Variants in IPO7 observed in about 807,000 individuals in gnomAD.
The protein encoded by IPO7 is importin 7.
Under a neutral mutation model 136.4 loss-of-function variants are expected in IPO7, and 13 were observed. The observed-to-expected ratio is 0.10, with a 90% CI of 0.06 to 0.15. The LOEUF (loss-of-function observed/expected upper bound fraction) is 0.15. Ranked by LOEUF, IPO7 falls within the 10% of genes least tolerant of loss-of-function variation. IPO7 has a pLI of 1.00. For missense variants in IPO7, 857 were observed against 1,240.6 expected, an observed-to-expected ratio of 0.69 and a Z score of 4.65; for synonymous variants, 403 against 404.4, an observed-to-expected ratio of 1.00 and a Z score of 0.04.
chr11:9,394,112 C>T (rs550234826), intron 1 of IPO7, among the ~76,000 whole-genome samples: 2 of 151,116 alleles, frequency 1.3e-5, no homozygotes, highest in East Asian at 2.0e-4. Context: ...CTCTTGACTT[C>T]GTGATCCGCC....
chr11:9,425,346 C>G (rs1310748963), intron 12 of IPO7, 84 bp downstream of exon 12: 14 of 829,484 alleles, frequency 1.7e-5, no homozygotes, highest in Non-Finnish European at 2.5e-5. Context: ...TGGCTCACTT[C>G]TATAATCCCA....
chr11:9,392,709 G>A (rs369829766), intron 1 of IPO7, among the ~76,000 whole-genome samples: 9 of 152,140 alleles, frequency 5.9e-5, no homozygotes, highest in African/African-American at 9.6e-5. Flanking sequence ...AGCACTTTGG[G>A]AGGCCAAGGT....
chr11:9,440,695 T>C (rs765148547), intron 23 of IPO7, 34 bp downstream of exon 23: 5 of 1,457,772 alleles, frequency 3.4e-6, no homozygotes, highest in African/African-American at 1.4e-5. Flanking sequence ...ATCCATTTCA[T>C]TGAACAAATC....
chr11:9,404,205 C>T (rs1234581680), intron 2 of IPO7, among the ~76,000 whole-genome samples: 2 of 152,174 alleles, frequency 1.3e-5, no homozygotes, highest in Non-Finnish European at 2.9e-5. Context: ...GTGGCTCACG[C>T]CTGTAATCCC....
intron 24 of IPO7, among the ~76,000 whole-genome samples, chr11:9,443,917 A>G (rs1855492686): frequency 6.6e-6 from 1 of 151,664 alleles, no homozygotes; most frequent in Non-Finnish European, 1.5e-5. Flanking sequence ...GTAAAAACTT[A>G]CGAAGTTAAA....
Position 9,428,520 on chromosome 11 carries a change from A to T in IPO7, c.1336-20A>T, listed in dbSNP as rs1187382048. ...TTATATTTGGAACTGTATCAAAATA[A>T]CTGTTGTTTATATTTACAGAAAAAG... On this transcript the variant is annotated intron_variant, in intron 12 of 24. Coordinates refer to ENST00000379719, the MANE Select transcript of IPO7 (RefSeq NM_006391.3). The T allele has an allele frequency of 9.5e-7, 1 of 1,058,160 alleles. No homozygotes were observed. The highest frequency in any genetic ancestry group is 1.6e-5 in the African/African-American group (1 of 62,718). The allele number at this position is 1,058,160 out of a possible 1,614,324, so 65.5% of individuals were successfully genotyped here. A position where few individuals can be genotyped will look rare whatever the true frequency, so the allele number is the denominator to read the frequency against.
intron 11 of IPO7, 55 bp from the exon 12 acceptor site, chr11:9,425,091 G>A: frequency 7.5e-7 from 1 of 1,324,760 alleles, no homozygotes; most frequent in East Asian, 2.3e-5. Context: ...TTGTTAGTAT[G>A]TTTTTTAAGG....
chr11:9,439,676 A>G (rs994407649), intron 22 of IPO7, among the ~76,000 whole-genome samples: 1 of 151,580 alleles, frequency 6.6e-6, no homozygotes, highest in Non-Finnish European at 1.5e-5. Flanking sequence ...CCCGGGTTCA[A>G]GCGATTCTCC....
In IPO7 at chr11:9,437,865, C is replaced by G; in HGVS notation, c.2380C>G (p.Pro794Ala). Reference sequence around the variant, plus strand: ...TGCAATTGCAGCTTTGTATTATAATCCACACCTACTACTCAATACCTTAGA... The same window carrying G: ...TGCAATTGCAGCTTTGTATTATAATGCACACCTACTACTCAATACCTTAGA... The part of the protein sequence containing the change: ...QVAIAALYYN[P>A]HLLLNTLENL... The change falls in exon 21 of 25, where the codon CCA becomes GCA. Residue 794 changes from proline to alanine, a missense_variant. Pro to Ala is a conservative substitution (Grantham distance 27). This residue lies in a region of IPO7 where 190 missense variants were observed against 249.0 expected (regional missense o/e 0.76). Coordinates refer to ENST00000379719, the MANE Select transcript of IPO7 (RefSeq NM_006391.3). The G allele has an allele frequency of 1.2e-6, 2 of 1,613,432 alleles. No homozygotes were observed. The highest frequency in any genetic ancestry group is 2.2e-5 in the South Asian group (2 of 91,046).
At chr11:9,434,211 C>G (rs1005354560) in intron 18 of IPO7, among the ~76,000 whole-genome samples, 5 of 152,180 alleles carry the variant, frequency 3.3e-5, no homozygotes, top group African/African-American at 1.2e-4. Context: ...GCATGAGCCA[C>G]TGCGCCTGGC....
chr11:9,414,179 A>C, intron 4 of IPO7, 76 bp from the exon 5 acceptor site: 1 of 1,058,200 alleles, frequency 9.5e-7, no homozygotes, highest in Non-Finnish European at 1.3e-6. Flanking sequence ...ATTTGTGTAA[A>C]TAAATGCATA....
chr11:9,392,091 TACG>T lies in IPO7; in HGVS notation c.84+7247_84+7249del, dbSNP rs374653957. 4.9e-5 allele frequency: 15 copies of T among 309,068 alleles called. No homozygotes were observed. In the East Asian group the frequency reaches 1.7e-3, roughly 35 times the overall value. 19.1% of individuals were successfully genotyped at this position (309,068 alleles called of 1,614,324 possible). A position where few individuals can be genotyped will look rare whatever the true frequency, so the allele number is the denominator to read the frequency against. On this transcript the variant is annotated intron_variant, in intron 1 of 24. Coordinates refer to ENST00000379719, the MANE Select transcript of IPO7 (RefSeq NM_006391.3). The stretch of plus-strand genomic sequence containing the variant: ...AAGAGCCTTAGCCTTGTCCTGAGTC[TACG>T]ACTATAATGACTTAACCTCACTATG...
At chr11:9,421,169 C>T (rs1244871313) in intron 8 of IPO7, among the ~76,000 whole-genome samples, 1 of 151,272 alleles carries the variant, frequency 6.6e-6, no homozygotes, top group Non-Finnish European at 1.5e-5. Context: ...CCATGTTGGT[C>T]AGGCTGGTCT....
chr11:9,436,838 G>C (rs1285216877), intron 20 of IPO7, among the ~76,000 whole-genome samples: 1 of 44,332 alleles, frequency 2.3e-5, no homozygotes, highest in African/African-American at 8.8e-5. Context: ...ACAACCGCCT[G>C]ATTTTATATA....
chr11:9,420,379 A>G (rs1380909881), intron 6 of IPO7, 32 bp from the exon 7 acceptor site: 3 of 1,349,374 alleles, frequency 2.2e-6, no homozygotes, highest in Non-Finnish European at 3.2e-6. Context: ...ATATTGTATT[A>G]TCTCTATCAT....
intron 4 of IPO7, among the ~76,000 whole-genome samples, chr11:9,412,352 T>C (rs1307536417): frequency 1.3e-5 from 2 of 152,230 alleles, no homozygotes; most frequent in Non-Finnish European, 2.9e-5. Flanking sequence ...ATTTTCTCTC[T>C]TAAGGAAGAG....
At chr11:9,423,451 A>C (rs1901919) in intron 9 of IPO7, among the ~76,000 whole-genome samples, 6,328 of 152,242 alleles carry the variant, frequency 0.042, 417 homozygotes, top group African/African-American at 0.14. Context: ...ATCTCACCAG[A>C]TTCATTTCTA....
chr11:9,439,796 A>G (rs1855435829), intron 22 of IPO7, among the ~76,000 whole-genome samples: 1 of 151,822 alleles, frequency 6.6e-6, no homozygotes, highest in Non-Finnish European at 1.5e-5. Context: ...GGTGGTCTCA[A>G]TCTCCTGACC....
intron 22 of IPO7, among the ~76,000 whole-genome samples, chr11:9,438,542 T>C (rs1019845181): frequency 6.6e-6 from 1 of 151,966 alleles, no homozygotes; most frequent in Non-Finnish European, 1.5e-5. Flanking sequence ...GGAGAATCGC[T>C]TGAACCCATG....
Sources: allele counts gnomAD v4.1 joint callset (sites outside exome capture counted in the v4.1 genomes callset), GRCh38; gene constraint gnomAD v4.1.1; regional missense constraint gnomAD v4.1.1; transcripts MANE v1.5; gene names NCBI Gene and HGNC (gene_info 2026-07-23, HGNC 2026-07-21).